The following AUTS2 variants were observed in gnomAD, a reference collection of about 807,000 sequenced individuals.
AUTS2 encodes activator of transcription and developmental regulator AUTS2, also known as autism susceptibility gene 2 protein.
AUTS2 carries 17 observed loss-of-function variants against 112.4 expected under a neutral mutation model. The observed-to-expected ratio is 0.15, with a 90% CI of 0.10 to 0.23. AUTS2 has a LOEUF of 0.23. AUTS2 is among the 10% of genes least tolerant of loss of function. The pLI, the probability that AUTS2 is intolerant of heterozygous loss-of-function variation, is 1.00. For missense variants in AUTS2, 1,510 were observed against 1,701.6 expected (o/e 0.89, Z 1.98); for synonymous variants, 751 against 702.7 (o/e 1.07, Z -1.09).
intron 5 of AUTS2, among the ~76,000 whole-genome samples, chr7:70,518,182 T>C (rs986669132): frequency 4.6e-5 from 7 of 152,224 alleles, no homozygotes; most frequent in African/African-American, 1.7e-4. Context: ...AAGCTAGGTC[T>C]CCAAATGTAC....
At chr7:69,709,007 T>C (rs760650350) in intron 1 of AUTS2, among the ~76,000 whole-genome samples, 1 of 152,174 alleles carries the variant, frequency 6.6e-6, no homozygotes, top group Non-Finnish European at 1.5e-5. Flanking sequence ...GCTGATGCCC[T>C]TGCTGCCTGA....
intron 2 of AUTS2, among the ~76,000 whole-genome samples, chr7:69,945,753 CAA>C (rs1180470490): frequency 6.6e-6 from 1 of 152,158 alleles, no homozygotes; most frequent in Admixed American, 6.5e-5. Flanking sequence ...CTTATTTTCA[CAA>C]AGTTTGTACC....
intron 2 of AUTS2, among the ~76,000 whole-genome samples, chr7:70,055,280 C>CA (rs755845271): frequency 1.2e-4 from 18 of 152,042 alleles, no homozygotes; most frequent in Non-Finnish European, 2.2e-4. Context: ...ACTAAAAATA[C>CA]AAAATTAGCT....
chr7:69,950,221 A>G (rs1796970899), intron 2 of AUTS2, among the ~76,000 whole-genome samples: 1 of 152,156 alleles, frequency 6.6e-6, no homozygotes. Flanking sequence ...ACGTAGCACA[A>G]AGTTTCTGCA....
chr7:70,672,249 G>A (rs1035698999), intron 5 of AUTS2, among the ~76,000 whole-genome samples: 4 of 152,234 alleles, frequency 2.6e-5, no homozygotes, highest in Non-Finnish European at 5.9e-5. Flanking sequence ...TGGGGAACTG[G>A]TGAGAGAGAG....
intron 4 of AUTS2, among the ~76,000 whole-genome samples, chr7:70,195,535 C>T (rs543467711): frequency 4.6e-5 from 7 of 152,030 alleles, no homozygotes; most frequent in African/African-American, 1.4e-4. Context: ...TCAGTAGTCC[C>T]GGCTACTTGG....
At chr7:70,384,418 T>C (rs114632397) in intron 4 of AUTS2, among the ~76,000 whole-genome samples, 2,017 of 152,354 alleles carry the variant, frequency 0.013, 47 homozygotes, top group African/African-American at 0.045. Context: ...TAATAGGTGA[T>C]ATTTTTGAAA....
chr7:70,202,994 C>T (rs1340958187), intron 4 of AUTS2, among the ~76,000 whole-genome samples: 1 of 122,134 alleles, frequency 8.2e-6, no homozygotes, highest in Non-Finnish European at 1.7e-5. Flanking sequence ...GGCACATATA[C>T]ACCATGGAAT....
At chr7:70,339,859 G>C (rs1791176543) in intron 4 of AUTS2, among the ~76,000 whole-genome samples, 1 of 152,120 alleles carries the variant, frequency 6.6e-6, no homozygotes, top group Non-Finnish European at 1.5e-5. Context: ...ACTCATTTCT[G>C]TGTTAGATTA....
At chr7:70,602,329 G>A (rs38314) in intron 5 of AUTS2, among the ~76,000 whole-genome samples, 68,168 of 151,968 alleles carry the variant, frequency 0.45, 15,862 homozygotes, top group Non-Finnish European at 0.48. Context: ...TAATGTCACC[G>A]GTTGGACTGT....
chr7:70,308,734 A>G (rs1337887928), intron 4 of AUTS2, among the ~76,000 whole-genome samples: 1 of 152,184 alleles, frequency 6.6e-6, no homozygotes. Flanking sequence ...ACACGGCACA[A>G]GTATATCTTT....
chr7:69,814,437 G>C (rs1746862442), intron 1 of AUTS2, among the ~76,000 whole-genome samples: 1 of 152,204 alleles, frequency 6.6e-6, no homozygotes, highest in South Asian at 2.1e-4. Context: ...CCAGGCAGGA[G>C]AGAAAAGTCT....
intron 1 of AUTS2, among the ~76,000 whole-genome samples, chr7:69,747,933 T>C (rs1339070720): frequency 6.6e-6 from 1 of 152,152 alleles, no homozygotes; most frequent in African/African-American, 2.4e-5. Flanking sequence ...ATAGGGTTTC[T>C]TTGCTGAGTA....
At chr7:69,807,900 A>G (rs969903715) in intron 1 of AUTS2, among the ~76,000 whole-genome samples, 5 of 150,906 alleles carry the variant, frequency 3.3e-5, no homozygotes, top group Non-Finnish European at 5.9e-5. Context: ...CAGGTCATTA[A>G]TGGCAGCCTG....
chr7:70,132,378 G>A (rs1032231907), intron 3 of AUTS2, among the ~76,000 whole-genome samples: 1 of 151,990 alleles, frequency 6.6e-6, no homozygotes, highest in Non-Finnish European at 1.5e-5. Flanking sequence ...GTGCTTAAAT[G>A]CTTTGTTACA....
chr7:69,641,371 A>T (rs956860315), intron 1 of AUTS2, among the ~76,000 whole-genome samples: 1 of 152,234 alleles, frequency 6.6e-6, no homozygotes, highest in Non-Finnish European at 1.5e-5. Context: ...TCGCTGATCC[A>T]GAATTAATTG....
chr7:69,601,558 G>A lies in AUTS2; in HGVS notation c.309+1596G>A, dbSNP rs182477804. On this transcript the variant is annotated intron_variant, in intron 1 of 18. Coordinates refer to ENST00000342771, the MANE Select transcript of AUTS2 (RefSeq NM_015570.4). ...AGTGGTTGGGAGTAAGGGAGGTATT[G>A]GTGGTGGTGGTGGTGGTGCAGGTGG... is the stretch of plus-strand genomic sequence containing the variant. 3.4e-3 allele frequency among the ~76,000 whole-genome samples: 518 copies of A among 151,976 alleles called. 2 individuals carry two copies. The highest frequency in any genetic ancestry group is 0.012 in the African/African-American group (493 of 41,456).
chr7:70,516,175 T>C (rs1019615153), intron 5 of AUTS2, among the ~76,000 whole-genome samples: 1 of 152,214 alleles, frequency 6.6e-6, no homozygotes, highest in Admixed American at 6.5e-5. Flanking sequence ...ATGTATGTCG[T>C]AGGGGTTAGC....
At chr7:70,601,659 G>T (rs1401296150) in intron 5 of AUTS2, among the ~76,000 whole-genome samples, 1 of 152,160 alleles carries the variant, frequency 6.6e-6, no homozygotes, top group African/African-American at 2.4e-5. Context: ...AGAAGACTGG[G>T]AATGTTGAGA....
Sources: allele counts gnomAD v4.1 joint callset (sites outside exome capture counted in the v4.1 genomes callset), GRCh38; gene constraint gnomAD v4.1.1; transcripts MANE v1.5; gene names NCBI Gene and HGNC (gene_info 2026-07-23, HGNC 2026-07-21).